Variants in SLC66A2 observed in about 807,000 individuals in gnomAD.
SLC66A2 encodes PQ loop repeat containing 1.
Under a neutral mutation model 25.5 loss-of-function variants are expected in SLC66A2, and 23 were observed. The ratio of observed to expected loss-of-function variants is 0.90; its 90% CI spans 0.65 to 1.28. The LOEUF (loss-of-function observed/expected upper bound fraction) is 1.28. SLC66A2 is among the 50% of genes most tolerant of loss of function. The probability of loss-of-function intolerance (pLI) is 0.00; values close to 1 mark genes in which losing one functional copy is unlikely to be tolerated. For synonymous variants in SLC66A2, 193 were observed against 166.5 expected (o/e 1.16, Z -1.23); for missense variants, 396 against 373.1 (o/e 1.06, Z -0.51).
intron 5 of SLC66A2, among the ~76,000 whole-genome samples, chr18:79,912,214 T>C (rs998240940): frequency 1.1e-5 from 1 of 89,876 alleles, no homozygotes; most frequent in African/African-American, 3.5e-5. Context: ...CTGCAAATTA[T>C]GAAACAGGGT....
chr18:79,917,808 G>C lies in SLC66A2; in HGVS notation c.608+1376C>G, dbSNP rs1568304500. On this transcript the variant is annotated intron_variant, in intron 5 of 5. Coordinates refer to ENST00000397778, the MANE Select transcript of SLC66A2 (RefSeq NM_025078.5). The surrounding 1 kb of genome is among the most constrained non-coding windows in gnomAD (Gnocchi z 6.0). ...TGATTCACTGTAATCACACCAACCA[G>C]GGCAGCCCAATCCCCACCTGCACCC... 6.6e-6 allele frequency among the ~76,000 whole-genome samples: 1 copy of C among 151,156 alleles called. No individual in the cohort carries two copies. Among genetic ancestry groups the C allele is most frequent in the Non-Finnish European group, 1.5e-5 (1 of 67,720 alleles).
chr18:79,915,714 A>T (rs1416373774), intron 5 of SLC66A2: 1 of 152,118 alleles, frequency 6.6e-6, no homozygotes, highest in African/African-American at 2.4e-5. Flanking sequence ...ATAAAAGCAG[A>T]AGTTAGCCCA....
At chr18:79,906,987 T>C (rs531313431) in intron 5 of SLC66A2, among the ~76,000 whole-genome samples, 2 of 152,390 alleles carry the variant, frequency 1.3e-5, no homozygotes, top group Non-Finnish European at 2.9e-5. Flanking sequence ...CTTTGGTTCA[T>C]ATATGCATCT....
chr18:79,916,254 ATAGCCGCAG>A (rs1984121423), intron 5 of SLC66A2, among the ~76,000 whole-genome samples: 8 of 40,708 alleles, frequency 2.0e-4, no homozygotes, highest in Non-Finnish European at 4.4e-4. Context: ...TGGTGCTCTC[ATAGCCGCAG>A]TGCTCCCGTA....
rs374838537 is a variant in SLC66A2, at chr18:79,919,484, T to G, written c.392-84A>C. 1,369 of 1,103,882 alleles carry G rather than the reference T, an allele frequency of 1.2e-3. 5 individuals are homozygous for G. The highest frequency in any genetic ancestry group is 5.7e-3 in the African/African-American group (323 of 56,816). 68.4% of individuals were successfully genotyped at this position (1,103,882 alleles called of 1,614,324 possible). A position where few individuals can be genotyped will look rare whatever the true frequency, so the allele number is the denominator to read the frequency against. ...GTCAGTGGGGAGAGACGGAACCGAGTGAGAGGTCAAGGTCAGTGGGGAGAG... is the reference window on the plus strand; with the variant it reads ...GTCAGTGGGGAGAGACGGAACCGAGGGAGAGGTCAAGGTCAGTGGGGAGAG... On this transcript the variant is annotated intron_variant, in intron 4 of 5. Coordinates refer to ENST00000397778, the MANE Select transcript of SLC66A2 (RefSeq NM_025078.5).
chr18:79,950,879 C>A lies in SLC66A2; in HGVS notation c.48G>T (p.Leu16=). 1 of 1,603,316 alleles carries A rather than the reference C, an allele frequency of 6.2e-7. No homozygotes were observed. Among genetic ancestry groups the A allele is most frequent in the South Asian group, 1.1e-5 (1 of 89,942 alleles). ...TGGCCGCGGCCGCGCCCCAGGACACCAGCTGGTGCAGTGGCACCAGGAGCC... is the reference window on the plus strand; with the variant it reads ...TGGCCGCGGCCGCGCCCCAGGACACAAGCTGGTGCAGTGGCACCAGGAGCC... ...LDWLLVPLHQ[L]VSWGAAAAMV... Residue 16 remains leucine, a synonymous_variant, in exon 2 of 6, where the codon CTG becomes CTT. Transcript: ENST00000397778.
chr18:79,914,506 C>T lies in SLC66A2; in HGVS notation c.608+4678G>A, dbSNP rs182696659. On this transcript the variant is annotated intron_variant, in intron 5 of 5. Coordinates refer to ENST00000397778, the MANE Select transcript of SLC66A2 (RefSeq NM_025078.5). The stretch of plus-strand genomic sequence containing the variant: ...TCACTCCAGCCCACCCCAAGGCTGC[C>T]GTGGCCCCGGAGGAACAGGCAGGTA... Among the ~76,000 whole-genome samples, 148 of 152,284 alleles carry T rather than the reference C, an allele frequency of 9.7e-4. 1 individual carries two copies. The highest frequency in any genetic ancestry group is 3.3e-3 in the African/African-American group (138 of 41,566).
chr18:79,948,062 C>T (rs2050993841), intron 2 of SLC66A2, among the ~76,000 whole-genome samples: 1 of 152,226 alleles, frequency 6.6e-6, no homozygotes, highest in African/African-American at 2.4e-5. Context: ...CACTGGGGCC[C>T]TGCGTGTGCA....
rs914438289 is a variant in SLC66A2 at position 79,918,927 on chromosome 18, C to T, written c.608+257G>A. On this transcript the variant is annotated intron_variant, in intron 5 of 5. Transcript: ENST00000397778. This position sits in a 1 kb window ranked among gnomAD's most constrained non-coding sequence, Gnocchi z 4.0. ...CATCCCTCCCACTGGAAGGTTCCGT[C>T]TCAACGGCCCTGAAGGAGCAGCTCC... Among the ~76,000 whole-genome samples the T allele has an allele frequency of 1.3e-5, 2 of 152,250 alleles. No individual in the cohort carries two copies. The highest frequency in any genetic ancestry group is 4.8e-5 in the African/African-American group (2 of 41,462).
intron 4 of SLC66A2, among the ~76,000 whole-genome samples, chr18:79,925,693 T>C (rs1402154327): frequency 2.6e-5 from 4 of 152,326 alleles, no homozygotes; most frequent in Admixed American, 2.6e-4. Context: ...TTGGGGAATG[T>C]GCACCAGGAG....
At chr18:79,946,756 A>G (rs1424302257) in intron 2 of SLC66A2, among the ~76,000 whole-genome samples, 1 of 152,212 alleles carries the variant, frequency 6.6e-6, no homozygotes, top group Non-Finnish European at 1.5e-5. Flanking sequence ...TCACGAGGTC[A>G]GGAGTTCAAG....
At chr18:79,933,515 CTT>C (rs1986777680) in intron 4 of SLC66A2, among the ~76,000 whole-genome samples, 1 of 152,154 alleles carries the variant, frequency 6.6e-6, no homozygotes, top group Admixed American at 6.5e-5. Context: ...CTAAACAACT[CTT>C]AGAACAAACC....
intron 1 of SLC66A2, 55 bp downstream of exon 1, chr18:79,951,526 C>T (rs1422091515): frequency 2.0e-5 from 3 of 152,354 alleles, no homozygotes; most frequent in Admixed American, 2.0e-4. Context: ...GCCCTGCGTC[C>T]TCGGCCGCCC....
chr18:79,932,127 G>A (rs889902134), intron 4 of SLC66A2, among the ~76,000 whole-genome samples: 4 of 152,192 alleles, frequency 2.6e-5, no homozygotes, highest in African/African-American at 7.2e-5. Context: ...ATATGTGGAA[G>A]TTAACACATT....
rs1277405379 is a variant in SLC66A2, at chr18:79,918,427, GGGTCCCCAGTGAGGAGCGGGCACCGGGGA to G, written c.608+728_608+756del. 3.3e-5 allele frequency among the ~76,000 whole-genome samples: 5 copies of G among 149,652 alleles called. No individual in the cohort carries two copies. Among genetic ancestry groups the G allele is most frequent in the Admixed American group, 1.3e-4 (2 of 15,122 alleles). On this transcript the variant is annotated intron_variant, in intron 5 of 5. Transcript: ENST00000397778. The surrounding 1 kb of genome is among the most constrained non-coding windows in gnomAD (Gnocchi z 4.0). ...CCCAGTGAGGAGCGGGCCCGGGGGG[GGGTCCCCAGTGAGGAGCGGGCACCGGGGA>G]GGGTCCCCAGTGAGGAGCGGCACCG...
Position 79,917,758 on chromosome 18 carries a change from GA to G in SLC66A2, c.608+1425del, listed in dbSNP as rs1390494335. On this transcript the variant is annotated intron_variant, in intron 5 of 5. Coordinates refer to ENST00000397778, the MANE Select transcript of SLC66A2 (RefSeq NM_025078.5). This position sits in a 1 kb window ranked among gnomAD's most constrained non-coding sequence, Gnocchi z 6.0. ...CGGGCCTCCATGCACCCTCGCCCGA[GA>G]AACCCCAGCAACCCCCCTGGTCTTG... Among the ~76,000 whole-genome samples, 2 of 151,820 alleles carry G rather than the reference GA, an allele frequency of 1.3e-5. No homozygotes were observed. Among genetic ancestry groups the G allele is most frequent in the Non-Finnish European group, 2.9e-5 (2 of 67,946 alleles).
chr18:79,948,252 C>T (rs188234111), intron 2 of SLC66A2, among the ~76,000 whole-genome samples: 2 of 152,368 alleles, frequency 1.3e-5, no homozygotes, highest in East Asian at 1.9e-4. Flanking sequence ...CAAACCTCTA[C>T]GTCAGTGCCA....
In SLC66A2 at chr18:79,933,980, C is replaced by T. The variant is rs775301153; in HGVS notation, c.380G>A (p.Arg127Gln). 6.2e-6 allele frequency: 10 copies of T among 1,612,348 alleles called. No individual in the cohort carries two copies. Among genetic ancestry groups the T allele is most frequent in the South Asian group, 3.3e-5 (3 of 90,270 alleles). ...CGCAGGGTACATACCCAGGAAGGACCGCCTGGGGGCAACCTTGACTTCTTC... is the reference window on the plus strand; with the variant it reads ...CGCAGGGTACATACCCAGGAAGGACTGCCTGGGGGCAACCTTGACTTCTTC... ...KDEEVKVAPR[R>Q]SFLDFDPHHF... Residue 127 changes from arginine (R) to glutamine (Q), a missense_variant, in exon 4 of 6, where the codon CGG becomes CAG. Arg to Gln is a conservative substitution (Grantham distance 43). Coordinates refer to ENST00000397778, the MANE Select transcript of SLC66A2 (RefSeq NM_025078.5).
At chr18:79,926,561 C>T (rs1568317536) in intron 4 of SLC66A2, among the ~76,000 whole-genome samples, 3 of 152,278 alleles carry the variant, frequency 2.0e-5, no homozygotes, top group Admixed American at 1.3e-4. Context: ...ATCTCGGTAA[C>T]GCCAAGCTCC....
Sources: gnomAD v4.1 joint callset for allele counts (sites outside exome capture counted in the v4.1 genomes callset) on GRCh38, gnomAD v4.1.1 for gene constraint, Gnocchi (gnomAD v3.1) non-coding constraint, MANE v1.5 for transcripts, NCBI Gene and HGNC (gene_info 2026-07-23, HGNC 2026-07-21) for gene names.